Variants in ANAPC4 observed in about 807,000 individuals in gnomAD.
The protein encoded by ANAPC4 is anaphase-promoting complex subunit 4.
A neutral mutation model predicts 119.8 loss-of-function variants in ANAPC4; 63 were observed. That is an observed-to-expected ratio of 0.53 (90% confidence interval 0.43 to 0.65). The LOEUF is 0.65. Ranked by LOEUF, ANAPC4 falls within the 30% of genes least tolerant of loss-of-function variation. The pLI, the probability that ANAPC4 is intolerant of heterozygous loss-of-function variation, is 0.00. For missense variants in ANAPC4, 716 were observed against 945.1 expected (o/e 0.76, Z 3.18); for synonymous variants, 283 against 318.6 (o/e 0.89, Z 1.19).
At chr4:25,389,157 TA>T (rs1407447771) in intron 7 of ANAPC4, among the ~76,000 whole-genome samples, 4 of 125,676 alleles carry the variant, frequency 3.2e-5, no homozygotes, top group African/African-American at 8.5e-5. Flanking sequence ...CACACCCAGC[TA>T]ATTTTTTTTT....
chr4:25,417,212 A>C (rs1723935352), intron 27 of ANAPC4: 1 of 152,428 alleles, frequency 6.6e-6, no homozygotes, highest in Non-Finnish European at 1.5e-5. Flanking sequence ...GCAGCCTCCA[A>C]CTCATGGGCT....
intron 21 of ANAPC4, among the ~76,000 whole-genome samples, chr4:25,412,244 A>G (rs1723609658): frequency 6.6e-6 from 1 of 152,202 alleles, no homozygotes; most frequent in Non-Finnish European, 1.5e-5. Context: ...CAGCACCTGG[A>G]CATATTCACC....
At chr4:25,415,049 A>G (rs1723783321) in intron 25 of ANAPC4, 1 of 179,864 alleles carries the variant, frequency 5.6e-6, no homozygotes, top group Admixed American at 6.2e-5. Context: ...AAAACTTCTA[A>G]AAGTGGCTGC....
Position 25,394,819 on chromosome 4 carries a change from TTTTAA to T in ANAPC4, c.985-7_985-3del, listed in dbSNP as rs1722549264. 6.2e-7 allele frequency: 1 copy of T among 1,609,392 alleles called. No homozygotes were observed. Among genetic ancestry groups the T allele is most frequent in the African/African-American group, 1.3e-5 (1 of 74,616 alleles). ...ATTGTATGCTAAATATATTTTCCTT[TTTTAA>T]TTAGGGCTTGAAAAAGCTTGGCCAG... On this transcript the variant is annotated splice_region_variant and splice_polypyrimidine_tract_variant and intron_variant, in intron 13 of 28. Coordinates refer to ENST00000315368, the MANE Select transcript of ANAPC4 (RefSeq NM_013367.3).
At chr4:25,387,631 C>G (rs909924434) in intron 4 of ANAPC4, among the ~76,000 whole-genome samples, 1 of 152,134 alleles carries the variant, frequency 6.6e-6, no homozygotes, top group Admixed American at 6.5e-5. Context: ...CAGGGTCTCT[C>G]AAGACAGCTC....
chr4:25,395,580 G>T (rs1314160712), intron 14 of ANAPC4, among the ~76,000 whole-genome samples: 4 of 152,132 alleles, frequency 2.6e-5, no homozygotes, highest in Non-Finnish European at 5.9e-5. Flanking sequence ...CTCTCAAGTA[G>T]CTGGGATTAC....
At chr4:25,417,476 A>T in intron 27 of ANAPC4, 140 bp from the exon 28 acceptor site, 1 of 888,446 alleles carries the variant, frequency 1.1e-6, no homozygotes, top group Non-Finnish European at 1.6e-6. Context: ...TTTTTCTAAC[A>T]CAACAGTTGC....
At chr4:25,395,866 A>G (rs1722620001) in intron 14 of ANAPC4, among the ~76,000 whole-genome samples, 1 of 152,086 alleles carries the variant, frequency 6.6e-6, no homozygotes, top group Non-Finnish European at 1.5e-5. Flanking sequence ...TTCAGTACAC[A>G]CTGTCCTTTG....
At chr4:25,387,094 TTCTG>T (rs1722081290) in intron 4 of ANAPC4, among the ~76,000 whole-genome samples, 2 of 152,178 alleles carry the variant, frequency 1.3e-5, no homozygotes, top group African/African-American at 4.8e-5. Context: ...AAGTTGAGCA[TTCTG>T]TCTAATGCTG....
chr4:25,390,459 G>T (rs1349144784), intron 8 of ANAPC4, among the ~76,000 whole-genome samples: 1 of 152,050 alleles, frequency 6.6e-6, no homozygotes, highest in East Asian at 1.9e-4. Context: ...AGAAAGATTA[G>T]TATGATACAC....
At chr4:25,390,603 T>C (rs1431703205) in intron 8 of ANAPC4, among the ~76,000 whole-genome samples, 3 of 152,226 alleles carry the variant, frequency 2.0e-5, no homozygotes, top group Non-Finnish European at 4.4e-5. Flanking sequence ...GTCTTCTCCA[T>C]AGCTTTTTCA....
At chr4:25,394,245 T>C in intron 11 of ANAPC4, 65 bp from the exon 12 acceptor site, 1 of 1,329,180 alleles carries the variant, frequency 7.5e-7, no homozygotes. Context: ...TCCTATAATT[T>C]TGAATAAATA....
chr4:25,388,611 G>C, intron 5 of ANAPC4, 37 bp downstream of exon 5: 1 of 1,570,630 alleles, frequency 6.4e-7, no homozygotes. Flanking sequence ...TAATCTTGCA[G>C]ATTTCTCTTT....
intron 2 of ANAPC4, among the ~76,000 whole-genome samples, chr4:25,378,954 G>A (rs537039594): frequency 2.6e-5 from 4 of 152,274 alleles, no homozygotes; most frequent in African/African-American, 4.8e-5. Flanking sequence ...TTGTGTTTCT[G>A]AACTTTGGGT....
intron 27 of ANAPC4, 111 bp downstream of exon 27, chr4:25,416,709 T>G (rs1017716): frequency 0.63 from 540,795 of 862,316 alleles, 176,577 homozygotes; most frequent in Non-Finnish European, 0.67. Flanking sequence ...TTACTAGAGA[T>G]AACCACAGAG....
At chr4:25,381,649 A>G (rs1023771317) in intron 3 of ANAPC4, among the ~76,000 whole-genome samples, 2 of 152,156 alleles carry the variant, frequency 1.3e-5, no homozygotes, top group South Asian at 4.1e-4. Flanking sequence ...AATATAAAAA[A>G]GTACTTAAAA....
chr4:25,383,067 A>C (rs138403729), intron 3 of ANAPC4, among the ~76,000 whole-genome samples, 194 bp from the exon 4 acceptor site: 1 of 152,340 alleles, frequency 6.6e-6, no homozygotes, highest in East Asian at 1.9e-4. Context: ...ACTTGAAAAT[A>C]AGCTTAGTTA....
At chr4:25,409,647 T>G in intron 20 of ANAPC4, 51 bp from the exon 21 acceptor site, 2 of 1,387,170 alleles carry the variant, frequency 1.4e-6, no homozygotes, top group Non-Finnish European at 1.0e-6. Flanking sequence ...TCTTTTTCCA[T>G]TTTCCCTTCC....
In ANAPC4 at chr4:25,418,146, C is replaced by T; in HGVS notation, c.2200-9C>T. ...TTTAAAAATGCTTTTATGGCCTTTT[C>T]TTTTTTAGTTAAGCTCAAATCTTCG... On this transcript the variant is annotated splice_polypyrimidine_tract_variant and intron_variant, in intron 28 of 28. Coordinates refer to ENST00000315368, the MANE Select transcript of ANAPC4 (RefSeq NM_013367.3). The T allele has an allele frequency of 1.2e-6, 2 of 1,605,104 alleles. No individual in the cohort carries two copies. Among genetic ancestry groups the T allele is most frequent in the South Asian group, 2.3e-5 (2 of 88,682 alleles).
Sources: gnomAD v4.1 joint callset for allele counts (sites outside exome capture counted in the v4.1 genomes callset) on GRCh38, gnomAD v4.1.1 for gene constraint, MANE v1.5 for transcripts, NCBI Gene and HGNC (gene_info 2026-07-23, HGNC 2026-07-21) for gene names.